Variants in EYS observed in about 807,000 individuals in gnomAD.
EYS encodes the protein EGF-like photoreceptor maintenance factor.
Under a neutral mutation model 282.1 loss-of-function variants are expected in EYS, and 250 were observed. The observed-to-expected ratio is 0.89, with a 90% CI of 0.80 to 0.98. The LOEUF is 0.98. Ranked by LOEUF, EYS falls within the 50% of genes least tolerant of loss-of-function variation. EYS has a pLI of 0.00. For missense variants in EYS, 4,016 were observed against 3,709.0 expected (o/e 1.08, Z -2.15); for synonymous variants, 1,355 against 1,282.9 (o/e 1.06, Z -1.20).
intron 28 of EYS, among the ~76,000 whole-genome samples, chr6:64,396,510 GT>G (rs1330434935): frequency 6.6e-6 from 1 of 151,846 alleles, no homozygotes; most frequent in Non-Finnish European, 1.5e-5. Flanking sequence ...TTAGTATTTT[GT>G]TGTTGTTCCT....
At chr6:64,890,450 G>A (rs955024618) in intron 18 of EYS, among the ~76,000 whole-genome samples, 12 of 152,030 alleles carry the variant, frequency 7.9e-5, no homozygotes, top group African/African-American at 2.4e-4. Context: ...TCCCCTGGAC[G>A]CCCAGCTTTA....
intron 36 of EYS, among the ~76,000 whole-genome samples, chr6:63,811,918 C>T (rs1477453931): frequency 1.3e-5 from 2 of 152,208 alleles, no homozygotes; most frequent in Non-Finnish European, 2.9e-5. Flanking sequence ...CCAAATTACA[C>T]TGCCGCTTTT....
chr6:64,026,189 C>G (rs531627592), intron 33 of EYS, among the ~76,000 whole-genome samples: 1 of 151,980 alleles, frequency 6.6e-6, no homozygotes, highest in Non-Finnish European at 1.5e-5. Flanking sequence ...ACAACTATTC[C>G]GATCAGCAGG....
chr6:63,727,752 G>A (rs1297023378), intron 41 of EYS, among the ~76,000 whole-genome samples: 67 of 48,180 alleles, frequency 1.4e-3, no homozygotes, highest in East Asian at 3.2e-3. Context: ...ATATATATAT[G>A]TTAGCTGGGC....
chr6:64,585,315 T>C (rs1766201749), intron 26 of EYS, among the ~76,000 whole-genome samples: 1 of 152,008 alleles, frequency 6.6e-6, no homozygotes, highest in Admixed American at 6.6e-5. Flanking sequence ...TTTGGACTAG[T>C]AGAAGTTGGG....
chr6:65,267,464 G>A lies in EYS; in HGVS notation c.2023+28399C>T, dbSNP rs114794211. 4.3e-3 allele frequency among the ~76,000 whole-genome samples: 656 copies of A among 152,076 alleles called. 6 individuals are homozygous for A. Among genetic ancestry groups the A allele is most frequent in the African/African-American group, 0.014 (593 of 41,526 alleles). On this transcript the variant is annotated intron_variant, in intron 12 of 42. Coordinates refer to ENST00000503581, the MANE Select transcript of EYS (RefSeq NM_001142800.2). ...ATTCGTCATAGTACATTGCCTGCAG[G>A]AGTGTTACACAGAAGTCCAACCAGT...
chr6:64,389,588 T>A (rs1463724568), intron 28 of EYS, among the ~76,000 whole-genome samples: 3 of 152,024 alleles, frequency 2.0e-5, no homozygotes, highest in African/African-American at 4.8e-5. Context: ...AGTCTATGGG[T>A]TTTTTCATAA....
intron 26 of EYS, among the ~76,000 whole-genome samples, chr6:64,572,962 C>G (rs980109701): frequency 1.3e-5 from 2 of 152,062 alleles, no homozygotes; most frequent in African/African-American, 4.8e-5. Flanking sequence ...GCCTGTATAG[C>G]CAAGACAATC....
At chr6:64,774,484 A>G (rs1344180425) in intron 22 of EYS, among the ~76,000 whole-genome samples, 1 of 151,880 alleles carries the variant, frequency 6.6e-6, no homozygotes, top group Non-Finnish European at 1.5e-5. Flanking sequence ...CTTAGTGTGG[A>G]GTAGATTATA....
At chr6:65,148,110 T>C (rs1007957080) in intron 12 of EYS, among the ~76,000 whole-genome samples, 1 of 151,988 alleles carries the variant, frequency 6.6e-6, no homozygotes, top group African/African-American at 2.4e-5. Flanking sequence ...CCATCCCAAA[T>C]CTCATGTTCT....
At chr6:64,988,528 CCTTT>C (rs1276403982) in intron 14 of EYS, among the ~76,000 whole-genome samples, 3 of 151,616 alleles carry the variant, frequency 2.0e-5, no homozygotes, top group South Asian at 4.1e-4. Flanking sequence ...TTCTTTCCTT[CCTTT>C]CTTTCTCTCT....
At chr6:64,645,175 C>T (rs1768304605) in intron 22 of EYS, among the ~76,000 whole-genome samples, 1 of 152,182 alleles carries the variant, frequency 6.6e-6, no homozygotes, top group South Asian at 2.1e-4. Context: ...ACTGCTAAAA[C>T]CCAGGCTGAA....
In EYS at chr6:64,742,235, G is replaced by A. The variant is rs1772399752; in HGVS notation, c.3443+71143C>T. On this transcript the variant is annotated intron_variant, in intron 22 of 42. Coordinates refer to ENST00000503581, the MANE Select transcript of EYS (RefSeq NM_001142800.2). Reference sequence around the variant, plus strand: ...GGAGAGGAGAGAGCTAAAGAAGAGCGAGTTTGTGGAGTAGTCAGAACACAC... The same window carrying A: ...GGAGAGGAGAGAGCTAAAGAAGAGCAAGTTTGTGGAGTAGTCAGAACACAC... 2.0e-5 allele frequency among the ~76,000 whole-genome samples: 3 copies of A among 152,142 alleles called. 1 individual carries two copies. The highest frequency in any genetic ancestry group is 4.4e-5 in the Non-Finnish European group (3 of 68,014).
intron 29 of EYS, among the ~76,000 whole-genome samples, chr6:64,384,742 A>G (rs1040913599): frequency 3.9e-5 from 6 of 152,336 alleles, no homozygotes; most frequent in African/African-American, 1.4e-4. Flanking sequence ...AGACCTTGAA[A>G]GTTATCATCA....
In EYS at chr6:63,800,540, G is replaced by A. The variant is rs764097123; in HGVS notation, c.7411+5650C>T. On this transcript the variant is annotated intron_variant, in intron 37 of 42. Transcript: ENST00000503581. ...AGAGGCTGGGCGCGGAGTGGCTCACGCCTGTAATCCCAGCACTTTGGGCGG... is the reference window on the plus strand; with the variant it reads ...AGAGGCTGGGCGCGGAGTGGCTCACACCTGTAATCCCAGCACTTTGGGCGG... 7.2e-4 allele frequency among the ~76,000 whole-genome samples: 109 copies of A among 152,154 alleles called. 1 individual carries two copies. The highest frequency in any genetic ancestry group is 3.2e-4 in the Non-Finnish European group (22 of 68,034).
chr6:65,617,860 T>C (rs1357947758), intron 2 of EYS, among the ~76,000 whole-genome samples: 1 of 152,066 alleles, frequency 6.6e-6, no homozygotes, highest in Non-Finnish European at 1.5e-5. Flanking sequence ...GCTTCATCCA[T>C]GTCCCTACAA....
At chr6:64,784,569 C>T (rs1023764408) in intron 22 of EYS, among the ~76,000 whole-genome samples, 1 of 152,054 alleles carries the variant, frequency 6.6e-6, no homozygotes, top group African/African-American at 2.4e-5. Context: ...CAGAAGAGAG[C>T]CTGGCACATC....
chr6:65,400,057 G>T (rs1452549595), intron 7 of EYS, among the ~76,000 whole-genome samples: 1 of 151,988 alleles, frequency 6.6e-6, no homozygotes, highest in Non-Finnish European at 1.5e-5. Context: ...GTATCAACAT[G>T]CAAAAGTGCC....
intron 35 of EYS, among the ~76,000 whole-genome samples, chr6:63,894,789 G>A (rs1355770413): frequency 5.3e-5 from 8 of 151,708 alleles, no homozygotes; most frequent in Non-Finnish European, 5.9e-5. Context: ...GGGTTTCACC[G>A]TGTTAGCCAG....
Sources: gnomAD v4.1 joint callset for allele counts (sites outside exome capture counted in the v4.1 genomes callset) on GRCh38, gnomAD v4.1.1 for gene constraint, MANE v1.5 for transcripts, NCBI Gene and HGNC (gene_info 2026-07-23, HGNC 2026-07-21) for gene names.